USP15: variants seen among roughly 807,000 people sequenced by gnomAD.
USP15 encodes ubiquitin carboxyl-terminal hydrolase 15.
A neutral mutation model predicts 127.1 loss-of-function variants in USP15; 18 were observed. The observed-to-expected ratio is 0.14, with a 90% CI of 0.10 to 0.21. USP15 has a LOEUF of 0.21. USP15 is among the 10% of genes least tolerant of loss of function. The pLI, the probability that USP15 is intolerant of heterozygous loss-of-function variation, is 1.00. For synonymous variants in USP15, 364 were observed against 393.7 expected, an observed-to-expected ratio of 0.92 and a Z score of 0.89; for missense variants, 805 against 1,159.9, an observed-to-expected ratio of 0.69 and a Z score of 4.44.
chr12:62,296,897 G>T (rs2064147690), intron 2 of USP15, among the ~76,000 whole-genome samples: 1 of 152,138 alleles, frequency 6.6e-6, no homozygotes, highest in Non-Finnish European at 1.5e-5. Flanking sequence ...TACCCAACAG[G>T]CCAGTTTTCT....
In USP15 at chr12:62,407,388, C is replaced by T. The variant is rs1277835882; in HGVS notation, c.*3013C>T. The T allele has an allele frequency of 1.3e-5, 2 of 152,134 alleles. No homozygotes were observed. The highest frequency in any genetic ancestry group is 2.1e-4 in the South Asian group (1 of 4,834). 9.4% of individuals were successfully genotyped at this position (152,134 alleles called of 1,614,324 possible). On this transcript the variant is annotated 3_prime_UTR_variant, in exon 22 of 22. Coordinates refer to ENST00000280377, the MANE Select transcript of USP15 (RefSeq NM_001252078.2). ...GGATTGTTGAGAGCTCAAATGAGATCATGTATTTTATGGGAAGAGCTTTGT... is the reference window on the plus strand; with the variant it reads ...GGATTGTTGAGAGCTCAAATGAGATTATGTATTTTATGGGAAGAGCTTTGT...
At chr12:62,305,363 A>G (rs1002149843) in intron 3 of USP15, among the ~76,000 whole-genome samples, 9 of 152,160 alleles carry the variant, frequency 5.9e-5, no homozygotes, top group Admixed American at 5.2e-4. Flanking sequence ...CTCAAGAGAA[A>G]CCATGGAAGC....
intron 8 of USP15, 35 bp downstream of exon 8, chr12:62,355,510 C>T: frequency 6.5e-7 from 1 of 1,547,128 alleles, no homozygotes; most frequent in Non-Finnish European, 8.7e-7. Flanking sequence ...ACTCATGTTT[C>T]ATGGAAATCT....
Position 62,405,928 on chromosome 12 carries a change from A to C in USP15, c.*1553A>C, listed in dbSNP as rs1270138353. On this transcript the variant is annotated 3_prime_UTR_variant, in exon 22 of 22. Coordinates refer to ENST00000280377, the MANE Select transcript of USP15 (RefSeq NM_001252078.2). ...TGGCTTTGCTTTATATCTTGATATT[A>C]AAGCTGGTTTATCATCCTGGTATTT... 6.6e-6 allele frequency: 1 copy of C among 152,064 alleles called. No homozygotes were observed. The highest frequency in any genetic ancestry group is 1.9e-4 in the East Asian group (1 of 5,186). The allele number at this position is 152,064 out of a possible 1,614,324, so 9.4% of individuals were successfully genotyped here.
chr12:62,392,393 A>C lies in USP15; in HGVS notation c.2420+6A>C. 1 of 1,556,934 alleles carries C rather than the reference A, an allele frequency of 6.4e-7. No individual in the cohort carries two copies. The highest frequency in any genetic ancestry group is 8.7e-7 in the Non-Finnish European group (1 of 1,149,434). ...CTAGGTGCTGAAGATCCCTGGTAAG[A>C]GACAAAATTAAATAATTGTTTTTGT... On this transcript the variant is annotated splice_donor_region_variant and intron_variant, in intron 18 of 21. Coordinates refer to ENST00000280377, the MANE Select transcript of USP15 (RefSeq NM_001252078.2).
intron 18 of USP15, 32 bp from the exon 19 acceptor site, chr12:62,393,021 A>C (rs780114062): frequency 6.2e-7 from 1 of 1,608,296 alleles, no homozygotes; most frequent in Non-Finnish European, 8.5e-7. Flanking sequence ...TTGTACCTCT[A>C]TCAAGTGTTA....
intron 1 of USP15, among the ~76,000 whole-genome samples, chr12:62,282,787 A>G (rs976683990): frequency 6.6e-6 from 1 of 152,226 alleles, no homozygotes; most frequent in Non-Finnish European, 1.5e-5. Context: ...ACCCGCAGAA[A>G]GTGAAACTGC....
chr12:62,282,925 A>T (rs1157040325), intron 1 of USP15, among the ~76,000 whole-genome samples: 1 of 152,224 alleles, frequency 6.6e-6, no homozygotes, highest in Non-Finnish European at 1.5e-5. Context: ...AATTGTTTTT[A>T]ATGTGTTTTA....
At chr12:62,399,339 C>T (rs561054720) in intron 20 of USP15, among the ~76,000 whole-genome samples, 5 of 152,168 alleles carry the variant, frequency 3.3e-5, no homozygotes, top group African/African-American at 9.7e-5. Flanking sequence ...ATGGCTATTT[C>T]CTTCCACTCC....
At chr12:62,319,254 T>C (rs550890574) in intron 4 of USP15, among the ~76,000 whole-genome samples, 6 of 152,216 alleles carry the variant, frequency 3.9e-5, no homozygotes, top group East Asian at 3.9e-4. Context: ...CTCACTGTCA[T>C]GGGAACAGCA....
chr12:62,304,608 T>A (rs1033890652), intron 3 of USP15: 3 of 399,102 alleles, frequency 7.5e-6, no homozygotes, highest in South Asian at 5.5e-5. Flanking sequence ...CCCCTAGCTA[T>A]AATGCAGAAA....
At chr12:62,380,921 G>A (rs2066973523) in intron 8 of USP15, among the ~76,000 whole-genome samples, 1 of 143,512 alleles carries the variant, frequency 7.0e-6, no homozygotes. Flanking sequence ...AGCTGGAAGT[G>A]AGAACACACT....
chr12:62,273,835 C>T (rs1445419402), intron 1 of USP15, among the ~76,000 whole-genome samples: 1 of 152,038 alleles, frequency 6.6e-6, no homozygotes, highest in Non-Finnish European at 1.5e-5. Flanking sequence ...TAAAGATACT[C>T]ACTTTGAAAA....
At chr12:62,327,277 G>T (rs1178176760) in intron 6 of USP15, among the ~76,000 whole-genome samples, 2 of 151,866 alleles carry the variant, frequency 1.3e-5, no homozygotes, top group African/African-American at 4.8e-5. Context: ...TTACATGGAG[G>T]TGATTTTTAT....
At chr12:62,304,696 A>G (rs2064422589) in intron 3 of USP15, 2 of 454,850 alleles carry the variant, frequency 4.4e-6, no homozygotes, top group East Asian at 7.0e-5. Context: ...AGAATGGACG[A>G]AAAGAAAGCA....
At chr12:62,337,057 T>C (rs945839175) in intron 6 of USP15, among the ~76,000 whole-genome samples, 6 of 152,352 alleles carry the variant, frequency 3.9e-5, no homozygotes, top group Non-Finnish European at 7.3e-5. Flanking sequence ...TCTACAATTT[T>C]TTTCAAATCA....
At chr12:62,293,553 A>C (rs995525890) in intron 1 of USP15, among the ~76,000 whole-genome samples, 1 of 152,102 alleles carries the variant, frequency 6.6e-6, no homozygotes, top group African/African-American at 2.4e-5. Context: ...ACGGGGTTTC[A>C]CGATGTTGGC....
intron 8 of USP15, among the ~76,000 whole-genome samples, chr12:62,361,944 A>C (rs1418359209): frequency 6.6e-6 from 1 of 152,056 alleles, no homozygotes; most frequent in Non-Finnish European, 1.5e-5. Context: ...AACCCATATT[A>C]AAACATTAAC....
intron 21 of USP15, among the ~76,000 whole-genome samples, chr12:62,401,599 AGC>A (rs2067690920): frequency 6.6e-6 from 1 of 151,962 alleles, no homozygotes; most frequent in Non-Finnish European, 1.5e-5. Flanking sequence ...GAGTACTTAA[AGC>A]CAGAATGTTT....
Sources: allele counts gnomAD v4.1 joint callset (sites outside exome capture counted in the v4.1 genomes callset), GRCh38; gene constraint gnomAD v4.1.1; transcripts MANE v1.5; gene names NCBI Gene and HGNC (gene_info 2026-07-23, HGNC 2026-07-21).